The following ACSS3 variants were observed in gnomAD, a reference collection of about 807,000 sequenced individuals.
ACSS3 encodes acyl-CoA synthetase short-chain family member 3, mitochondrial.
In ACSS3, 64 loss-of-function variants were observed where a neutral mutation model predicts 84.2. The ratio of observed to expected loss-of-function variants is 0.76; its 90% CI spans 0.62 to 0.94. The LOEUF is 0.94. Among genes scored for constraint, ACSS3 ranks in the 40% least tolerant of loss-of-function variants. ACSS3 has a pLI of 0.00. For synonymous variants in ACSS3, 317 were observed against 310.1 expected (o/e 1.02, Z -0.23); for missense variants, 815 against 867.6 (o/e 0.94, Z 0.76).
intron 8 of ACSS3, among the ~76,000 whole-genome samples, chr12:81,176,686 AC>A (rs1444335558): frequency 1.3e-5 from 2 of 152,092 alleles, no homozygotes; most frequent in African/African-American, 4.8e-5. Flanking sequence ...AAAAAAACCT[AC>A]CAACCAGAAA....
At chr12:81,167,283 A>G (rs1474828134) in intron 7 of ACSS3, among the ~76,000 whole-genome samples, 1 of 152,282 alleles carries the variant, frequency 6.6e-6, no homozygotes, top group East Asian at 1.9e-4. Context: ...TAAGACCCCA[A>G]ATTGTCAACT....
chr12:81,167,907 C>T (rs967955275), intron 7 of ACSS3, among the ~76,000 whole-genome samples: 10 of 152,266 alleles, frequency 6.6e-5, no homozygotes, highest in Admixed American at 6.5e-4. Flanking sequence ...AAGGAAATGA[C>T]TCAAGCCTGA....
chr12:81,236,808 C>T (rs2033643138), intron 13 of ACSS3, among the ~76,000 whole-genome samples: 1 of 151,008 alleles, frequency 6.6e-6, no homozygotes, highest in Non-Finnish European at 1.5e-5. Context: ...AGAGTTTTTG[C>T]ACATTCTTCT....
intron 1 of ACSS3, among the ~76,000 whole-genome samples, chr12:81,085,753 G>C (rs761770832): frequency 6.6e-6 from 1 of 152,134 alleles, no homozygotes; most frequent in Non-Finnish European, 1.5e-5. Flanking sequence ...ATATTTTTGA[G>C]GACAAGTAAG....
At chr12:81,240,020 CT>C (rs896993080) in intron 13 of ACSS3, among the ~76,000 whole-genome samples, 14 of 151,670 alleles carry the variant, frequency 9.2e-5, no homozygotes, top group South Asian at 6.2e-4. Context: ...TGAGTGTGGA[CT>C]TTTTTTTCTT....
At chr12:81,083,249 C>G (rs1376288955) in intron 1 of ACSS3, among the ~76,000 whole-genome samples, 1 of 152,058 alleles carries the variant, frequency 6.6e-6, no homozygotes, top group Non-Finnish European at 1.5e-5. Flanking sequence ...GGGCTGAAAG[C>G]CTGCAGGTAG....
At chr12:81,228,158 T>G (rs534419821) in intron 11 of ACSS3, among the ~76,000 whole-genome samples, 4 of 151,950 alleles carry the variant, frequency 2.6e-5, no homozygotes, top group Admixed American at 2.6e-4. Context: ...AACAGAGGTT[T>G]TAATATTTGG....
intron 11 of ACSS3, among the ~76,000 whole-genome samples, chr12:81,230,102 C>G (rs139039304): frequency 6.6e-6 from 1 of 151,822 alleles, no homozygotes; most frequent in Non-Finnish European, 1.5e-5. Flanking sequence ...TCAATTTTCT[C>G]AGCATGAGAA....
chr12:81,233,485 T>C lies in ACSS3; in HGVS notation c.1719+14T>C, dbSNP rs2033531226. On this transcript the variant is annotated intron_variant, in intron 13 of 15. Transcript: ENST00000548058. ...GCCATTGAAGAGGTATTGATGAATATTGGTATTCTATTCCAAGTAGTGCTT... is the reference window on the plus strand; with the variant it reads ...GCCATTGAAGAGGTATTGATGAATACTGGTATTCTATTCCAAGTAGTGCTT... 3.7e-6 allele frequency: 6 copies of C among 1,609,514 alleles called. No individual in the cohort carries two copies. In the South Asian group the frequency reaches 4.4e-5, roughly 12 times the overall value.
intron 1 of ACSS3, among the ~76,000 whole-genome samples, chr12:81,095,372 G>T (rs889500482): frequency 5.9e-5 from 9 of 152,112 alleles, no homozygotes; most frequent in African/African-American, 2.2e-4. Flanking sequence ...CTTATGCTTT[G>T]AAACCTAAAT....
chr12:81,208,918 A>G (rs2032468362), intron 9 of ACSS3, among the ~76,000 whole-genome samples: 1 of 152,174 alleles, frequency 6.6e-6, no homozygotes. Flanking sequence ...CCCCAGAAGA[A>G]ATACCTTTTA....
intron 11 of ACSS3, among the ~76,000 whole-genome samples, chr12:81,220,807 T>A (rs946550210): frequency 5.9e-5 from 9 of 152,102 alleles, no homozygotes; most frequent in Admixed American, 5.2e-4. Context: ...TAAGCACATT[T>A]AATTTTTACT....
At chr12:81,093,189 G>A (rs185138679) in intron 1 of ACSS3, among the ~76,000 whole-genome samples, 7 of 152,122 alleles carry the variant, frequency 4.6e-5, no homozygotes, top group Non-Finnish European at 8.8e-5. Flanking sequence ...GTGGCTCACG[G>A]CTGTAATCCT....
At chr12:81,240,056 G>A (rs2135988465) in intron 13 of ACSS3, among the ~76,000 whole-genome samples, 1 of 152,036 alleles carries the variant, frequency 6.6e-6, no homozygotes, top group East Asian at 1.9e-4. Flanking sequence ...GTTGTTGAAT[G>A]AAGTGGCCTA....
chr12:81,198,011 A>G (rs2031917626), intron 8 of ACSS3, among the ~76,000 whole-genome samples: 1 of 152,096 alleles, frequency 6.6e-6, no homozygotes, highest in Admixed American at 6.6e-5. Flanking sequence ...AAGTCTTTTC[A>G]CATTTATGTT....
At chr12:81,180,505 A>G (rs1471954702) in intron 8 of ACSS3, among the ~76,000 whole-genome samples, 2 of 152,092 alleles carry the variant, frequency 1.3e-5, no homozygotes, top group Non-Finnish European at 2.9e-5. Context: ...CTATCTATGT[A>G]TCTATCTGTC....
At chr12:81,130,843 T>C (rs532032085) in intron 2 of ACSS3, among the ~76,000 whole-genome samples, 59 of 152,334 alleles carry the variant, frequency 3.9e-4, no homozygotes, top group African/African-American at 1.3e-3. Context: ...GCTTTCTACA[T>C]ATAGCTAGCC....
intron 11 of ACSS3, among the ~76,000 whole-genome samples, chr12:81,226,941 G>A (rs984483501): frequency 6.6e-5 from 10 of 150,726 alleles, no homozygotes; most frequent in South Asian, 4.2e-4. Flanking sequence ...AGGGTTCTCC[G>A]AAGAAATAGA....
At chr12:81,078,040 C>G (rs1241819978), upstream of ACSS3, 2 of 1,401,304 alleles carry the variant, frequency 1.4e-6, no homozygotes, top group African/African-American at 2.9e-5. Context: ...GCCCCCGCCC[C>G]CTACTCCCTT....
Sources: gnomAD v4.1 joint callset for allele counts (sites outside exome capture counted in the v4.1 genomes callset) on GRCh38, gnomAD v4.1.1 for gene constraint, MANE v1.5 for transcripts, NCBI Gene and HGNC (gene_info 2026-07-23, HGNC 2026-07-21) for gene names.